Variants in SUPT3H observed in about 807,000 individuals in gnomAD.
The protein encoded by SUPT3H is SPT3 homolog, SAGA and STAGA complex component, also known as transcription initiation protein SPT3 homolog.
Under a neutral mutation model 44.3 loss-of-function variants are expected in SUPT3H, and 44 were observed. That is an observed-to-expected ratio of 0.99 (90% CI 0.78 to 1.28). SUPT3H has a LOEUF of 1.28. Ranked by LOEUF, SUPT3H falls within the 50% of genes most tolerant of loss-of-function variation. The pLI is 0.00. For missense variants in SUPT3H, 380 were observed against 387.1 expected (o/e 0.98, Z 0.15); for synonymous variants, 124 against 125.6 (o/e 0.99, Z 0.09).
intron 2 of SUPT3H, chr6:45,328,645 T>C: frequency 6.2e-7 from 1 of 1,610,618 alleles, no homozygotes; most frequent in African/African-American, 1.3e-5. Context: ...GGTTTGGGTA[T>C]GGTTTGTATT....
At chr6:45,126,137 C>A (rs890582035) in intron 2 of SUPT3H, among the ~76,000 whole-genome samples, 9 of 152,130 alleles carry the variant, frequency 5.9e-5, no homozygotes, top group African/African-American at 2.2e-4. Flanking sequence ...TGAAAACTTG[C>A]ACTAAACTCA....
rs966275053 is a variant in SUPT3H, at chr6:45,060,363, T to C, written c.187-39731A>G. Among the ~76,000 whole-genome samples the C allele has an allele frequency of 3.9e-5, 6 of 152,144 alleles. 1 individual carries two copies. The highest frequency in any genetic ancestry group is 8.8e-5 in the Non-Finnish European group (6 of 68,024). The stretch of plus-strand genomic sequence containing the variant: ...AGCAATGGGGAAAAGATTCCCTATT[T>C]AATAAATGGTGCTGGGAGAACTGGC... On this transcript the variant is annotated intron_variant, in intron 3 of 10. Coordinates refer to ENST00000371459, the MANE Select transcript of SUPT3H (RefSeq NM_003599.4).
At chr6:44,845,985 A>G (rs1771806185) in intron 10 of SUPT3H, among the ~76,000 whole-genome samples, 1 of 152,174 alleles carries the variant, frequency 6.6e-6, no homozygotes. Flanking sequence ...CGGCTAAACT[A>G]AAAGAGCACC....
At chr6:45,289,894 A>G (rs886291579) in intron 2 of SUPT3H, among the ~76,000 whole-genome samples, 1 of 152,232 alleles carries the variant, frequency 6.6e-6, no homozygotes, top group African/African-American at 2.4e-5. Flanking sequence ...TAACAAAAAT[A>G]TTAAAGTCCT....
At chr6:44,855,120 T>C (rs1240782574) in intron 10 of SUPT3H, among the ~76,000 whole-genome samples, 1 of 152,222 alleles carries the variant, frequency 6.6e-6, no homozygotes, top group African/African-American at 2.4e-5. Context: ...CTCAAAGCTT[T>C]TTCTATCACA....
chr6:44,883,374 G>C (rs1778579192), intron 10 of SUPT3H, among the ~76,000 whole-genome samples: 1 of 152,162 alleles, frequency 6.6e-6, no homozygotes, highest in Non-Finnish European at 1.5e-5. Context: ...GAAAATAAGA[G>C]AGGACACAAA....
At chr6:45,218,669 G>C (rs1765489774) in intron 2 of SUPT3H, among the ~76,000 whole-genome samples, 1 of 152,232 alleles carries the variant, frequency 6.6e-6, no homozygotes. Flanking sequence ...GGGAGGCGGA[G>C]GTTGCGGTGA....
intron 6 of SUPT3H, among the ~76,000 whole-genome samples, chr6:44,981,423 A>G (rs936836257): frequency 3.3e-5 from 5 of 152,240 alleles, no homozygotes; most frequent in Admixed American, 6.5e-5. Flanking sequence ...GACTGGGTAC[A>G]TCATAGGGTA....
intron 10 of SUPT3H, among the ~76,000 whole-genome samples, chr6:44,876,796 T>C (rs566009412): frequency 1.4e-4 from 16 of 110,608 alleles, no homozygotes; most frequent in Admixed American, 1.2e-3. Context: ...TTAAAATACA[T>C]AGTTGTAAAA....
At chr6:45,297,652 A>AT (rs1781504987) in intron 2 of SUPT3H, among the ~76,000 whole-genome samples, 1 of 152,200 alleles carries the variant, frequency 6.6e-6, no homozygotes, top group Non-Finnish European at 1.5e-5. Context: ...AACTTAACAT[A>AT]TTAACAAACT....
At chr6:45,377,517 G>A (rs1006636502) in intron 1 of SUPT3H, 5 of 152,166 alleles carry the variant, frequency 3.3e-5, no homozygotes, top group Non-Finnish European at 5.9e-5. Flanking sequence ...CCAAAAGGGA[G>A]GAGTCGAGAG....
chr6:45,328,111 T>C (rs1584931485), intron 2 of SUPT3H: 1 of 378,092 alleles, frequency 2.6e-6, no homozygotes, highest in Non-Finnish European at 4.7e-6. Flanking sequence ...TAAAAAGCTA[T>C]ATCCTTCTGG....
chr6:45,283,736 A>G (rs540233793), intron 2 of SUPT3H, among the ~76,000 whole-genome samples: 14 of 151,710 alleles, frequency 9.2e-5, no homozygotes, highest in African/African-American at 1.7e-4. Flanking sequence ...CCAAACAGAC[A>G]TAATAGACAT....
At chr6:44,990,630 G>GACA (rs1207138373) in intron 6 of SUPT3H, among the ~76,000 whole-genome samples, 2 of 152,082 alleles carry the variant, frequency 1.3e-5, no homozygotes. Flanking sequence ...ATCATGAATA[G>GACA]ACAATGGAAC....
At chr6:45,348,868 C>T (rs1173675391) in intron 2 of SUPT3H, among the ~76,000 whole-genome samples, 1 of 152,206 alleles carries the variant, frequency 6.6e-6, no homozygotes, top group South Asian at 2.1e-4. Flanking sequence ...CTTTGAGAGG[C>T]TTTAGTTCCC....
intron 10 of SUPT3H, among the ~76,000 whole-genome samples, chr6:44,922,862 G>A (rs565057694): frequency 6.6e-6 from 1 of 152,180 alleles, no homozygotes; most frequent in East Asian, 1.9e-4. Context: ...GCTCAACTTA[G>A]TTTAGTTTCT....
At chr6:45,206,894 G>A (rs1763296687) in intron 2 of SUPT3H, among the ~76,000 whole-genome samples, 1 of 152,114 alleles carries the variant, frequency 6.6e-6, no homozygotes, top group South Asian at 2.1e-4. Context: ...AAATCTACCA[G>A]ACATTCAAGT....
intron 2 of SUPT3H, among the ~76,000 whole-genome samples, chr6:45,225,278 TAA>T (rs11333549): frequency 3.3e-3 from 434 of 132,124 alleles, no homozygotes; most frequent in Admixed American, 4.5e-3. Context: ...AAACTCCATC[TAA>T]AAAAAAAAAA....
chr6:45,190,574 G>A (rs1814962782), intron 2 of SUPT3H, among the ~76,000 whole-genome samples: 1 of 152,024 alleles, frequency 6.6e-6, no homozygotes, highest in Non-Finnish European at 1.5e-5. Context: ...AGACCCATCA[G>A]GTAGAATGAA....
Sources: allele counts gnomAD v4.1 joint callset (sites outside exome capture counted in the v4.1 genomes callset), GRCh38; gene constraint gnomAD v4.1.1; transcripts MANE v1.5; gene names NCBI Gene and HGNC (gene_info 2026-07-23, HGNC 2026-07-21).